The following SNTG1 variants were observed in gnomAD, a reference collection of about 807,000 sequenced individuals.
The protein encoded by SNTG1 is gamma-1-syntrophin.
Under a neutral mutation model 74.7 loss-of-function variants are expected in SNTG1, and 39 were observed. The observed-to-expected ratio is 0.52, with a 90% CI of 0.40 to 0.68. The LOEUF (loss-of-function observed/expected upper bound fraction) is 0.68. SNTG1 is among the 30% of genes least tolerant of loss of function. The pLI is 0.00. For missense variants in SNTG1, 685 were observed against 609.5 expected (o/e 1.12, Z -1.30); for synonymous variants, 254 against 217.1 (o/e 1.17, Z -1.49).
At chr8:50,157,582 G>A (rs1012784087) in intron 1 of SNTG1, among the ~76,000 whole-genome samples, 3 of 152,056 alleles carry the variant, frequency 2.0e-5, no homozygotes, top group Non-Finnish European at 4.4e-5. Context: ...AAATAGAGCA[G>A]CAAAAGCCTT....
intron 9 of SNTG1, among the ~76,000 whole-genome samples, chr8:50,521,943 C>A (rs1426400296): frequency 1.3e-5 from 2 of 152,074 alleles, no homozygotes; most frequent in East Asian, 3.9e-4. Context: ...GAGTTGGCAT[C>A]AACTTCTTCC....
At chr8:49,972,039 A>G (rs189632668) in intron 1 of SNTG1, among the ~76,000 whole-genome samples, 1 of 152,310 alleles carries the variant, frequency 6.6e-6, no homozygotes, top group Non-Finnish European at 1.5e-5. Context: ...TGGAACCAAA[A>G]AGGAGCCTGC....
chr8:50,367,940 G>A (rs1418804121), intron 2 of SNTG1, among the ~76,000 whole-genome samples: 1 of 152,130 alleles, frequency 6.6e-6, no homozygotes, highest in African/African-American at 2.4e-5. Flanking sequence ...CTGGGCAATA[G>A]GGTAGAGGTT....
chr8:50,014,928 G>C (rs1302478410), intron 1 of SNTG1, among the ~76,000 whole-genome samples: 1 of 151,588 alleles, frequency 6.6e-6, no homozygotes, highest in Admixed American at 6.6e-5. Flanking sequence ...GGAAAGGTAT[G>C]GAAGAAATTA....
intron 18 of SNTG1, 57 bp downstream of exon 18, chr8:50,752,168 A>T (rs960777234): frequency 2.1e-6 from 2 of 952,086 alleles, no homozygotes; most frequent in African/African-American, 3.4e-5. Flanking sequence ...CCATTAAGGA[A>T]CAAAGAGGGG....
chr8:49,983,887 G>A (rs1033637524), intron 1 of SNTG1, among the ~76,000 whole-genome samples: 3 of 152,218 alleles, frequency 2.0e-5, no homozygotes, highest in Non-Finnish European at 4.4e-5. Context: ...CATTCCCAGT[G>A]AGATGAATGG....
chr8:50,446,806 G>A (rs1001583564), intron 5 of SNTG1, among the ~76,000 whole-genome samples: 4 of 152,136 alleles, frequency 2.6e-5, no homozygotes, highest in African/African-American at 4.8e-5. Flanking sequence ...TTTCAAAGAT[G>A]GTTACAATAG....
chr8:50,698,446 C>T (rs987234222), intron 15 of SNTG1, among the ~76,000 whole-genome samples: 2 of 152,232 alleles, frequency 1.3e-5, no homozygotes, highest in Middle Eastern at 3.4e-3. Context: ...AACACTATGC[C>T]TCCCAAACAA....
At chr8:50,562,794 A>G (rs567604653) in intron 12 of SNTG1, among the ~76,000 whole-genome samples, 1 of 152,318 alleles carries the variant, frequency 6.6e-6, no homozygotes, top group East Asian at 1.9e-4. Flanking sequence ...GTACTTGCAT[A>G]TGTTAGAAAA....
chr8:50,132,082 T>C (rs1349385916), intron 1 of SNTG1, among the ~76,000 whole-genome samples: 1 of 152,154 alleles, frequency 6.6e-6, no homozygotes, highest in Non-Finnish European at 1.5e-5. Context: ...TTACTGCAGC[T>C]TTGTAATATA....
chr8:50,125,805 G>A (rs1186671139), intron 1 of SNTG1, among the ~76,000 whole-genome samples: 1 of 152,146 alleles, frequency 6.6e-6, no homozygotes, highest in South Asian at 2.1e-4. Context: ...CATATGCTGT[G>A]CTAAAGAAAA....
intron 18 of SNTG1, among the ~76,000 whole-genome samples, chr8:50,790,868 T>G (rs1344720710): frequency 6.6e-6 from 1 of 151,936 alleles, no homozygotes; most frequent in African/African-American, 2.4e-5. Flanking sequence ...GTTGTTTATT[T>G]TTGGTAACCA....
At chr8:50,036,285 C>G (rs1818158849) in intron 1 of SNTG1, among the ~76,000 whole-genome samples, 1 of 152,196 alleles carries the variant, frequency 6.6e-6, no homozygotes, top group Non-Finnish European at 1.5e-5. Flanking sequence ...TATGACGTCT[C>G]TATGCAGCTC....
intron 9 of SNTG1, among the ~76,000 whole-genome samples, chr8:50,523,896 C>T (rs935176164): frequency 2.0e-5 from 3 of 152,038 alleles, no homozygotes; most frequent in African/African-American, 7.2e-5. Flanking sequence ...TATGTCTGTA[C>T]TTGGATATTG....
chr8:50,220,077 G>A (rs549422432), intron 2 of SNTG1, among the ~76,000 whole-genome samples: 2 of 152,026 alleles, frequency 1.3e-5, no homozygotes, highest in Non-Finnish European at 2.9e-5. Flanking sequence ...CTTTAAGAAG[G>A]TCCCATTGGT....
chr8:50,673,309 G>A (rs901114134), intron 15 of SNTG1, among the ~76,000 whole-genome samples: 2 of 152,140 alleles, frequency 1.3e-5, no homozygotes, highest in Non-Finnish European at 2.9e-5. Context: ...TTATCCATGA[G>A]GATGGAATAT....
chr8:50,249,651 A>G (rs2086559371), intron 2 of SNTG1, among the ~76,000 whole-genome samples: 1 of 152,188 alleles, frequency 6.6e-6, no homozygotes, highest in Non-Finnish European at 1.5e-5. Context: ...CCTTGCCACT[A>G]CAACACCACA....
chr8:50,187,590 T>C (rs1028961319), intron 2 of SNTG1, among the ~76,000 whole-genome samples: 1 of 152,152 alleles, frequency 6.6e-6, no homozygotes, highest in Non-Finnish European at 1.5e-5. Context: ...ATAAGCAATA[T>C]CAAACTGCAC....
intron 17 of SNTG1, among the ~76,000 whole-genome samples, chr8:50,736,536 A>C (rs2095529293): frequency 6.6e-6 from 1 of 152,104 alleles, no homozygotes; most frequent in Admixed American, 6.6e-5. Context: ...AAAATTAACA[A>C]GGATATTCAG....
Sources: gnomAD v4.1 joint callset for allele counts (sites outside exome capture counted in the v4.1 genomes callset) on GRCh38, gnomAD v4.1.1 for gene constraint, MANE v1.5 for transcripts, NCBI Gene and HGNC (gene_info 2026-07-23, HGNC 2026-07-21) for gene names.